The following SNTG1 variants were observed in gnomAD, a reference collection of about 807,000 sequenced individuals.
The protein encoded by SNTG1 is syntrophin gamma 1, also known as gamma-1-syntrophin.
In SNTG1, 39 loss-of-function variants were observed where a neutral mutation model predicts 74.7. The observed-to-expected ratio is 0.52, with a 90% CI of 0.40 to 0.68. SNTG1 has a LOEUF of 0.68. Ranked by LOEUF, SNTG1 falls within the 30% of genes least tolerant of loss-of-function variation. SNTG1 has a pLI of 0.00. For missense variants in SNTG1, 685 were observed against 609.5 expected (o/e 1.12, Z -1.30); for synonymous variants, 254 against 217.1 (o/e 1.17, Z -1.49).
At chr8:50,269,129 A>G (rs1030845984) in intron 2 of SNTG1, among the ~76,000 whole-genome samples, 2 of 152,210 alleles carry the variant, frequency 1.3e-5, no homozygotes, top group Non-Finnish European at 2.9e-5. Flanking sequence ...GAAATGTAAA[A>G]CTATTCAACT....
intron 2 of SNTG1, among the ~76,000 whole-genome samples, chr8:50,361,885 G>A (rs1278562979): frequency 6.6e-6 from 1 of 152,024 alleles, no homozygotes; most frequent in Non-Finnish European, 1.5e-5. Context: ...ACATATTTCA[G>A]CATAGAAAAA....
chr8:50,246,804 A>C (rs73577266), intron 2 of SNTG1, among the ~76,000 whole-genome samples: 1 of 152,174 alleles, frequency 6.6e-6, no homozygotes, highest in Non-Finnish European at 1.5e-5. Context: ...CCAAAAGACC[A>C]ATGTCATCCT....
chr8:50,230,678 G>A (rs981911867), intron 2 of SNTG1, among the ~76,000 whole-genome samples: 9 of 151,172 alleles, frequency 6.0e-5, no homozygotes, highest in African/African-American at 2.2e-4. Context: ...AAACGTTGTA[G>A]AGAAAACAGG....
At chr8:49,992,268 G>A (rs1009862816) in intron 1 of SNTG1, among the ~76,000 whole-genome samples, 1 of 152,134 alleles carries the variant, frequency 6.6e-6, no homozygotes, top group Non-Finnish European at 1.5e-5. Flanking sequence ...ATAGGTCAAG[G>A]TGTGTGGGAG....
intron 9 of SNTG1, among the ~76,000 whole-genome samples, chr8:50,508,570 C>T (rs1200292865): frequency 1.3e-5 from 2 of 152,192 alleles, no homozygotes; most frequent in Admixed American, 6.5e-5. Context: ...TCCACATCCT[C>T]TCCAGCACCT....
intron 2 of SNTG1, among the ~76,000 whole-genome samples, chr8:50,288,737 T>C (rs919764879): frequency 6.6e-6 from 1 of 152,182 alleles, no homozygotes; most frequent in Non-Finnish European, 1.5e-5. Context: ...TTTTTAGTTA[T>C]ATGATTAAAG....
At chr8:49,933,411 C>A (rs1260533683) in intron 1 of SNTG1, among the ~76,000 whole-genome samples, 1 of 152,166 alleles carries the variant, frequency 6.6e-6, no homozygotes, top group Non-Finnish European at 1.5e-5. Flanking sequence ...AACTTAAGAG[C>A]TCAAGATTCA....
At chr8:50,074,778 C>A (rs1418954457) in intron 1 of SNTG1, among the ~76,000 whole-genome samples, 1 of 152,208 alleles carries the variant, frequency 6.6e-6, no homozygotes, top group African/African-American at 2.4e-5. Context: ...AGCCCTTCAG[C>A]CCACTGCTGC....
intron 1 of SNTG1, among the ~76,000 whole-genome samples, chr8:50,098,731 A>G (rs984058507): frequency 6.6e-6 from 1 of 152,190 alleles, no homozygotes; most frequent in Admixed American, 6.5e-5. Flanking sequence ...ATGTGTTTGA[A>G]TATCAGTCCT....
chr8:50,035,028 G>A (rs1818033645), intron 1 of SNTG1, among the ~76,000 whole-genome samples: 1 of 152,154 alleles, frequency 6.6e-6, no homozygotes, highest in African/African-American at 2.4e-5. Context: ...CTGGCTGGGT[G>A]ATGCCCCACA....
chr8:50,529,464 T>C (rs956029058), intron 9 of SNTG1, among the ~76,000 whole-genome samples: 1 of 152,064 alleles, frequency 6.6e-6, no homozygotes, highest in Non-Finnish European at 1.5e-5. Flanking sequence ...GCGTCAATTA[T>C]ATTTGTGGGT....
chr8:50,311,776 T>C (rs1251208778), intron 2 of SNTG1, among the ~76,000 whole-genome samples: 1 of 152,192 alleles, frequency 6.6e-6, no homozygotes, highest in Non-Finnish European at 1.5e-5. Context: ...TCAAAAATAT[T>C]CTGTAGAAAA....
At chr8:50,100,959 G>A (rs914379932) in intron 1 of SNTG1, among the ~76,000 whole-genome samples, 18 of 151,806 alleles carry the variant, frequency 1.2e-4, no homozygotes, top group Non-Finnish European at 2.9e-5. Flanking sequence ...AATATTCCCT[G>A]GTGTCTGTTA....
intron 2 of SNTG1, among the ~76,000 whole-genome samples, chr8:50,374,614 T>C (rs546817760): frequency 6.6e-6 from 1 of 152,172 alleles, no homozygotes; most frequent in Non-Finnish European, 1.5e-5. Context: ...GTCTTTAAAC[T>C]TTGCTCCGCA....
intron 11 of SNTG1, among the ~76,000 whole-genome samples, chr8:50,548,953 C>A (rs2128001): frequency 0.14 from 21,391 of 152,042 alleles, 1,896 homozygotes; most frequent in Middle Eastern, 0.27. Context: ...AGAGGAACTG[C>A]GGGTCAGAGA....
At position 50,178,409 on chromosome 8, in the gene SNTG1, GCA is replaced by G. The variant is rs139402512; in HGVS notation, c.-28+5791_-28+5792del. ...TCTCTCTCTTCACACACGTGCGCGC[GCA>G]CACACACACACACACAGGGATAGTT... is the stretch of plus-strand genomic sequence containing the variant. On this transcript the variant is annotated intron_variant, in intron 2 of 18. Transcript: ENST00000642720. 2.3e-3 allele frequency among the ~76,000 whole-genome samples: 336 copies of G among 144,164 alleles called. 3 individuals are homozygous for G. The highest frequency in any genetic ancestry group is 6.9e-3 in the African/African-American group (269 of 39,076). 94.6% of individuals were successfully genotyped at this position (144,164 alleles called of 152,430 possible).
At chr8:50,213,704 T>C (rs1044835123) in intron 2 of SNTG1, among the ~76,000 whole-genome samples, 1 of 151,836 alleles carries the variant, frequency 6.6e-6, no homozygotes, top group African/African-American at 2.4e-5. Context: ...TTTTCATGTG[T>C]TTTTTGGCTG....
chr8:50,092,813 G>A (rs1441664981), intron 1 of SNTG1, among the ~76,000 whole-genome samples: 1 of 152,066 alleles, frequency 6.6e-6, no homozygotes, highest in African/African-American at 2.4e-5. Flanking sequence ...CAGTCTCTGT[G>A]GAGTACAATG....
At chr8:50,441,245 A>G (rs936998402) in intron 5 of SNTG1, among the ~76,000 whole-genome samples, 6 of 152,136 alleles carry the variant, frequency 3.9e-5, no homozygotes, top group Non-Finnish European at 5.9e-5. Context: ...GCTCATGTGC[A>G]ATATTGCTGT....
Sources: gnomAD v4.1 joint callset for allele counts (sites outside exome capture counted in the v4.1 genomes callset) on GRCh38, gnomAD v4.1.1 for gene constraint, MANE v1.5 for transcripts, NCBI Gene and HGNC (gene_info 2026-07-23, HGNC 2026-07-21) for gene names.